MIPOL1: variants seen among roughly 807,000 people sequenced by gnomAD.
MIPOL1 encodes mirror-image polydactyly 1, also known as mirror-image polydactyly gene 1 protein.
MIPOL1 carries 57 observed loss-of-function variants against 60.9 expected under a neutral mutation model. The observed-to-expected ratio is 0.94, with a 90% CI of 0.76 to 1.17. MIPOL1 has a LOEUF of 1.17. Ranked by LOEUF, MIPOL1 falls within the 50% of genes most tolerant of loss-of-function variation. The probability of loss-of-function intolerance (pLI) is 0.00; values close to 1 mark genes in which losing one functional copy is unlikely to be tolerated. For synonymous variants in MIPOL1, 179 were observed against 168.8 expected, an observed-to-expected ratio of 1.06 and a Z score of -0.47; for missense variants, 551 against 511.6, an observed-to-expected ratio of 1.08 and a Z score of -0.74.
intron 12 of MIPOL1, among the ~76,000 whole-genome samples, chr14:37,514,589 T>C (rs2153626849): frequency 6.6e-6 from 1 of 152,180 alleles, no homozygotes; most frequent in East Asian, 1.9e-4. Flanking sequence ...AGATTAGATA[T>C]AATGTATCTA....
At chr14:37,391,558 GCTAATTTTTTTATTTT>G (rs2093242220) in intron 10 of MIPOL1, among the ~76,000 whole-genome samples, 2 of 152,004 alleles carry the variant, frequency 1.3e-5, no homozygotes, top group Non-Finnish European at 2.9e-5. Context: ...ACCACGTCCA[GCTAATTTTTTTATTTT>G]TAGTAGAAAC....
At chr14:37,344,891 A>G (rs1292004806) in intron 9 of MIPOL1, among the ~76,000 whole-genome samples, 4 of 151,528 alleles carry the variant, frequency 2.6e-5, no homozygotes, top group Non-Finnish European at 4.4e-5. Flanking sequence ...ATACCCGGGC[A>G]TGGCGGTGTG....
chr14:37,541,054 A>G (rs552525905), intron 12 of MIPOL1, among the ~76,000 whole-genome samples: 2 of 152,260 alleles, frequency 1.3e-5, no homozygotes, highest in South Asian at 4.1e-4. Context: ...TTCAATATCT[A>G]TGTCAATAAC....
intron 3 of MIPOL1, among the ~76,000 whole-genome samples, chr14:37,248,527 A>G (rs1316235052): frequency 1.3e-5 from 2 of 152,096 alleles, no homozygotes; most frequent in African/African-American, 4.8e-5. Context: ...GATACAGAGA[A>G]AGAGATGTAC....
intron 9 of MIPOL1, among the ~76,000 whole-genome samples, chr14:37,309,862 T>C (rs1325312729): frequency 3.3e-5 from 5 of 151,970 alleles, no homozygotes; most frequent in Admixed American, 3.3e-4. Flanking sequence ...AATTTTTTGG[T>C]ATTTCTTGTA....
At chr14:37,356,522 A>C (rs909104221) in intron 9 of MIPOL1, among the ~76,000 whole-genome samples, 2 of 152,072 alleles carry the variant, frequency 1.3e-5, no homozygotes, top group South Asian at 2.1e-4. Flanking sequence ...GCCGCCTTGC[A>C]GTTTGATCTC....
At chr14:37,239,955 A>G (rs1972090696) in intron 1 of MIPOL1, among the ~76,000 whole-genome samples, 1 of 152,212 alleles carries the variant, frequency 6.6e-6, no homozygotes, top group Non-Finnish European at 1.5e-5. Flanking sequence ...CGTAGGTTGC[A>G]TGCAGCACTG....
At chr14:37,359,629 C>CTGTG (rs374255095) in intron 9 of MIPOL1, among the ~76,000 whole-genome samples, 1 of 151,604 alleles carries the variant, frequency 6.6e-6, no homozygotes, top group Non-Finnish European at 1.5e-5. Flanking sequence ...TTATTTGGCT[C>CTGTG]TCTGTTATTG....
chr14:37,349,224 G>A (rs1401919604), intron 9 of MIPOL1, among the ~76,000 whole-genome samples: 1 of 151,930 alleles, frequency 6.6e-6, no homozygotes, highest in Non-Finnish European at 1.5e-5. Flanking sequence ...CTGACCTCAG[G>A]TGATCCACCC....
chr14:37,395,897 A>C (rs1238702575), intron 10 of MIPOL1, among the ~76,000 whole-genome samples: 5 of 152,020 alleles, frequency 3.3e-5, no homozygotes, highest in Non-Finnish European at 7.4e-5. Context: ...CCTTTATGTG[A>C]GTCCTTATGT....
At position 37,382,377 on chromosome 14, in the gene MIPOL1, T is replaced by C. The variant is rs138225404; in HGVS notation, c.936+12753T>C. The stretch of plus-strand genomic sequence containing the variant: ...ATATATTTTTAATAAATAAACTTAC[T>C]ATTGTCAAATGCAATTAACTTACTT... On this transcript the variant is annotated intron_variant, in intron 10 of 12. Coordinates refer to ENST00000684589, the MANE Select transcript of MIPOL1 (RefSeq NM_001388067.1). Among the ~76,000 whole-genome samples, 683 of 152,188 alleles carry C rather than the reference T, an allele frequency of 4.5e-3. 3 individuals carry two copies. Among genetic ancestry groups the C allele is most frequent in the Non-Finnish European group, 8.0e-3 (542 of 67,970 alleles).
intron 4 of MIPOL1, 85 bp from the exon 5 acceptor site, chr14:37,268,573 G>C: frequency 9.8e-7 from 1 of 1,018,912 alleles, no homozygotes; most frequent in Non-Finnish European, 1.4e-6. Flanking sequence ...TTGCTTACAA[G>C]TTGATACTGT....
intron 11 of MIPOL1, among the ~76,000 whole-genome samples, chr14:37,466,586 G>A (rs10134469): frequency 0.99 from 150,237 of 152,276 alleles, 74,140 homozygotes; most frequent in Middle Eastern, 1. Context: ...TAGCTATCAG[G>A]AGGACATAGT....
rs1019308057 is a variant in MIPOL1, at chr14:37,197,939, G to C, written c.-364G>C. On this transcript the variant is annotated 5_prime_UTR_variant, in exon 1 of 13. Coordinates refer to ENST00000684589, the MANE Select transcript of MIPOL1 (RefSeq NM_001388067.1). ...CCTGCGGCGCGCCGCCGCCCCGTAGGCCCCACGCGCCGCCCCGCTCCTCCG... is the reference window on the plus strand; with the variant it reads ...CCTGCGGCGCGCCGCCGCCCCGTAGCCCCCACGCGCCGCCCCGCTCCTCCG... 6.6e-6 allele frequency: 1 copy of C among 152,054 alleles called. No individual in the cohort carries two copies. Among genetic ancestry groups the C allele is most frequent in the Non-Finnish European group, 1.5e-5 (1 of 68,062 alleles). 9.4% of individuals were successfully genotyped at this position (152,054 alleles called of 1,614,324 possible). A position where few individuals can be genotyped will look rare whatever the true frequency, so the allele number is the denominator to read the frequency against.
At chr14:37,551,880 TA>T (rs1454581292), downstream of MIPOL1, 1 of 97,134 alleles carries the variant, frequency 1.0e-5, no homozygotes, top group African/African-American at 4.5e-5. Flanking sequence ...CTGTCTCAAA[TA>T]ATAATAATAA....
intron 10 of MIPOL1, among the ~76,000 whole-genome samples, chr14:37,378,175 T>A (rs537415167): frequency 6.6e-6 from 1 of 152,198 alleles, no homozygotes; most frequent in East Asian, 1.9e-4. Context: ...AACCCAGCTA[T>A]TGCACTCCTG....
In MIPOL1 at chr14:37,456,991, T is replaced by C. The variant is rs377745339; in HGVS notation, c.1031+34042T>C. 3.3e-4 allele frequency among the ~76,000 whole-genome samples: 51 copies of C among 152,288 alleles called. 1 individual carries two copies. In the East Asian group the frequency reaches 6.6e-3, roughly 20 times the overall value. On this transcript the variant is annotated intron_variant, in intron 11 of 12. Coordinates refer to ENST00000684589, the MANE Select transcript of MIPOL1 (RefSeq NM_001388067.1). Reference sequence around the variant, plus strand: ...TTTGCATAATAATTGGATATATCTTTACTATTGAAAAGGACATATTGCAGC... The same window carrying C: ...TTTGCATAATAATTGGATATATCTTCACTATTGAAAAGGACATATTGCAGC...
intron 9 of MIPOL1, among the ~76,000 whole-genome samples, chr14:37,318,572 T>C (rs1343729849): frequency 1.3e-5 from 2 of 152,178 alleles, no homozygotes; most frequent in African/African-American, 4.8e-5. Context: ...AATTACTTTT[T>C]TCTTACTGTG....
At chr14:37,205,891 C>G (rs1318522493) in intron 1 of MIPOL1, among the ~76,000 whole-genome samples, 1 of 152,076 alleles carries the variant, frequency 6.6e-6, no homozygotes, top group African/African-American at 2.4e-5. Context: ...GGGTTGATTC[C>G]AAGTCTTTGC....
Sources: gnomAD v4.1 joint callset for allele counts (sites outside exome capture counted in the v4.1 genomes callset) on GRCh38, gnomAD v4.1.1 for gene constraint, MANE v1.5 for transcripts, NCBI Gene and HGNC (gene_info 2026-07-23, HGNC 2026-07-21) for gene names.